Variants in SLC7A5 observed in about 807,000 individuals in gnomAD.
SLC7A5 encodes solute carrier family 7 member 5.
Under a neutral mutation model 50.2 loss-of-function variants are expected in SLC7A5, and 23 were observed. The observed-to-expected ratio is 0.46, with a 90% CI of 0.33 to 0.65. The LOEUF (loss-of-function observed/expected upper bound fraction) is 0.65, where lower values mean the gene tolerates loss of function less well. Ranked by LOEUF, SLC7A5 falls within the 30% of genes least tolerant of loss-of-function variation. The pLI is 0.02. For missense variants in SLC7A5, 578 were observed against 684.4 expected, an observed-to-expected ratio of 0.84 and a Z score of 1.73; for synonymous variants, 393 against 330.6, an observed-to-expected ratio of 1.19 and a Z score of -2.05.
In SLC7A5 at chr16:87,837,898, G is replaced by C; in HGVS notation, c.1087C>G (p.Leu363Val). ...AGGAGCTGTGGGTGGATCATGGAGAGGATGGAGGGCAGGTGGCCTTCCCGG... is the reference window on the plus strand; with the variant it reads ...AGGAGCTGTGGGTGGATCATGGAGACGATGGAGGGCAGGTGGCCTTCCCGG... ...GSREGHLPSILSMIHPQLLTP... is the reference protein window; with the variant it reads ...GSREGHLPSIVSMIHPQLLTP... The change falls in exon 7 of 10, where the codon CTC (leucine) becomes GTC (valine). Residue 363 changes from leucine to valine, a missense_variant. Around this residue, in one of 2 missense-constraint regions of SLC7A5, gnomAD observed 465 missense variants for 594.6 expected, o/e 0.78. Transcript: ENST00000261622. 1 of 1,608,720 alleles carries C rather than the reference G, an allele frequency of 6.2e-7. No individual in the cohort carries two copies. Among genetic ancestry groups the C allele is most frequent in the Non-Finnish European group, 8.5e-7 (1 of 1,178,530 alleles).
chr16:87,845,113 CA>C (rs1179276898), intron 2 of SLC7A5, among the ~76,000 whole-genome samples: 1 of 152,200 alleles, frequency 6.6e-6, no homozygotes, highest in East Asian at 1.9e-4. Context: ...GGACCGTCTG[CA>C]TGTCTGTTGC....
rs1171580336 is a variant in SLC7A5 at position 87,869,326 on chromosome 16, C to G, written c.97G>C (p.Asp33His). 1 of 1,610,474 alleles carries G rather than the reference C, an allele frequency of 6.2e-7. No individual in the cohort carries two copies. Among genetic ancestry groups the G allele is most frequent in the Non-Finnish European group, 8.5e-7 (1 of 1,179,358 alleles). ...CCCTCGCCTGCCGGCGCCGAGCCGT[C>G]CGCGCTCTTGGCGGCCAGCATCTTC... ...REKMLAAKSA[D>H]GSAPAGEGEG... Residue 33 changes from aspartate (D) to histidine (H), a missense_variant, in exon 1 of 10, where the codon GAC (aspartate) becomes CAC (histidine). By Grantham distance (81) the Asp-to-His change is moderately conservative. Transcript: ENST00000261622.
intron 3 of SLC7A5, among the ~76,000 whole-genome samples, chr16:87,840,721 G>C (rs2055072866): frequency 6.6e-6 from 1 of 152,218 alleles, no homozygotes; most frequent in Non-Finnish European, 1.5e-5. Flanking sequence ...TCAGGTCCCT[G>C]TGAGGCCCGC....
chr16:87,851,929 AC>A, intron 1 of SLC7A5, 80 bp from the exon 2 acceptor site: 1 of 1,548,616 alleles, frequency 6.5e-7, no homozygotes, highest in Admixed American at 1.7e-5. Flanking sequence ...TGACGACCCC[AC>A]CCCCACCCCA....
rs1255604482 is a variant in SLC7A5, at chr16:87,837,489, CAGG to C, written c.1140+353_1140+355del. On this transcript the variant is annotated intron_variant, in intron 7 of 9. Coordinates refer to ENST00000261622, the MANE Select transcript of SLC7A5 (RefSeq NM_003486.7). Reference sequence around the variant, plus strand: ...TCACGCGGGCTGGCACGGAAAGATGCAGGAGAAGCGGAAGGAAACTGTGTGTGA... The same window carrying C: ...TCACGCGGGCTGGCACGGAAAGATGCAGAAGCGGAAGGAAACTGTGTGTGA... 25 of 303,502 alleles carry C rather than the reference CAGG, an allele frequency of 8.2e-5. No homozygotes were observed. In the East Asian group the frequency reaches 1.6e-3, roughly 19 times the overall value. The allele number at this position is 303,502 out of a possible 1,614,324, so 18.8% of individuals were successfully genotyped here. A position where few individuals can be genotyped will look rare whatever the true frequency, so the allele number is the denominator to read the frequency against.
At chr16:87,845,170 C>A (rs887814209) in intron 2 of SLC7A5, among the ~76,000 whole-genome samples, 2 of 139,738 alleles carry the variant, frequency 1.4e-5, no homozygotes, top group African/African-American at 6.0e-5. Context: ...AGGGGCCAAC[C>A]GTGCCACCCA....
chr16:87,843,795 G>A lies in SLC7A5; in HGVS notation c.665-2640C>T, dbSNP rs1387718045. On this transcript the variant is annotated intron_variant, in intron 2 of 9. Transcript: ENST00000261622. ...ACCCCCACACAACAGAGAGCCCACG[G>A]TGGCAGAGGTGCCAGGCTGAGGCCC... 2.6e-5 allele frequency among the ~76,000 whole-genome samples: 4 copies of A among 152,184 alleles called. No individual in the cohort carries two copies. In the East Asian group the frequency reaches 7.7e-4, roughly 29 times the overall value.
Position 87,869,319 on chromosome 16 carries a change from G to A in SLC7A5, c.104C>T (p.Ser35Leu), listed in dbSNP as rs571025188. Reference sequence around the variant, plus strand: ...GCCCTCGCCCTCGCCTGCCGGCGCCGAGCCGTCCGCGCTCTTGGCGGCCAG... The same window carrying A: ...GCCCTCGCCCTCGCCTGCCGGCGCCAAGCCGTCCGCGCTCTTGGCGGCCAG... ...KMLAAKSADGSAPAGEGEGVT... is the reference protein window; with the variant it reads ...KMLAAKSADGLAPAGEGEGVT... The change falls in exon 1 of 10, where the codon TCG (serine) becomes TTG (leucine). Residue 35 changes from serine (S) to leucine (L), a missense_variant. By Grantham distance (145) the Ser-to-Leu change is moderately radical (BLOSUM62 -2). Transcript: ENST00000261622. 41 of 1,610,750 alleles carry A rather than the reference G, an allele frequency of 2.5e-5. No homozygotes were observed. In the East Asian group the frequency reaches 4.5e-4, roughly 18 times the overall value.
chr16:87,852,920 CCT>C lies in SLC7A5; in HGVS notation c.539-1073_539-1072del. On this transcript the variant is annotated intron_variant, in intron 1 of 9. Coordinates refer to ENST00000261622, the MANE Select transcript of SLC7A5 (RefSeq NM_003486.7). The surrounding 1 kb of genome is among the most constrained non-coding windows in gnomAD (Gnocchi z 4.5). ...ACTGCCTGCTGCACTACCCTTCACT[CCT>C]CTGCTCACGAGGTTATCTGTCGCTG... Among the ~76,000 whole-genome samples the C allele has an allele frequency of 6.6e-6, 1 of 152,294 alleles. No homozygotes were observed. The highest frequency in any genetic ancestry group is 1.5e-5 in the Non-Finnish European group (1 of 68,030).
In SLC7A5 at chr16:87,834,489, T is replaced by C; in HGVS notation, c.1393A>G (p.Ile465Val). Residue 465 changes from isoleucine to valine, a missense_variant, in exon 9 of 10, where the codon ATC becomes GTC. Physicochemically the swap from Ile to Val is conservative, Grantham distance 29. Transcript: ENST00000261622. ...AAGTAGACGGGCAGCCCGCTGAGGA[T>C]GATGGTGAAGCCGATGCCACACTCC... ...PVECGIGFTI[I>V]LSGLPVYFFG... 1.3e-6 allele frequency: 2 copies of C among 1,582,644 alleles called. No individual in the cohort carries two copies. Among genetic ancestry groups the C allele is most frequent in the Admixed American group, 1.9e-5 (1 of 53,460 alleles).
rs749458655 is a variant in SLC7A5, at chr16:87,869,353, C to G, written c.70G>C (p.Glu24Gln). 7 of 1,608,800 alleles carry G rather than the reference C, an allele frequency of 4.4e-6. No homozygotes were observed. The highest frequency in any genetic ancestry group is 5.9e-6 in the Non-Finnish European group (7 of 1,178,748). The change falls in exon 1 of 10, where the codon GAG becomes CAG. Residue 24 changes from glutamate (E) to glutamine (Q), a missense_variant. Physicochemically the swap from Glu to Gln is conservative, Grantham distance 29. Around this residue, in one of 2 missense-constraint regions of SLC7A5, gnomAD observed 113 missense variants for 89.8 expected, o/e 1.26. Coordinates refer to ENST00000261622, the MANE Select transcript of SLC7A5 (RefSeq NM_003486.7). The stretch of plus-strand genomic sequence containing the variant: ...GCGCTCTTGGCGGCCAGCATCTTCT[C>G]CCGCGCCTCTTCCTTCTCCTCGGCC... ...PAAEEKEEAR[E>Q]KMLAAKSADG... is the part of the protein sequence containing the mutation.
At chr16:87,837,124 A>T (rs761802970) in intron 7 of SLC7A5, among the ~76,000 whole-genome samples, 1 of 152,238 alleles carries the variant, frequency 6.6e-6, no homozygotes, top group Non-Finnish European at 1.5e-5. Flanking sequence ...ACTGGCTTCT[A>T]ACTCAGGGAA....
In SLC7A5 at chr16:87,851,714, A is replaced by T. The variant is rs1259723938; in HGVS notation, c.664+10T>A. 7 of 1,608,428 alleles carry T rather than the reference A, an allele frequency of 4.4e-6. No homozygotes were observed. In the African/African-American group the frequency reaches 9.4e-5, roughly 21 times the overall value. Reference sequence around the variant, plus strand: ...AGGGGCCGCCGGTGGGGCCTGGGGGACGTACTCACCCTTCCCGATCTGGAC... The same window carrying T: ...AGGGGCCGCCGGTGGGGCCTGGGGGTCGTACTCACCCTTCCCGATCTGGAC... On this transcript the variant is annotated intron_variant, in intron 2 of 9. Transcript: ENST00000261622.
intron 5 of SLC7A5, among the ~76,000 whole-genome samples, chr16:87,839,313 A>C (rs997243053): frequency 1.3e-5 from 2 of 152,240 alleles, no homozygotes; most frequent in Non-Finnish European, 2.9e-5. Flanking sequence ...CCGCCTGCCA[A>C]GCCAGCAGCA....
intron 2 of SLC7A5, among the ~76,000 whole-genome samples, chr16:87,845,620 C>T (rs998639673): frequency 2.0e-5 from 3 of 152,198 alleles, no homozygotes; most frequent in Non-Finnish European, 2.9e-5. Context: ...GCCTGGGAAC[C>T]GTGATGGGGC....
At chr16:87,867,024 C>T (rs1239762375) in intron 1 of SLC7A5, among the ~76,000 whole-genome samples, 2 of 151,714 alleles carry the variant, frequency 1.3e-5, no homozygotes, top group Non-Finnish European at 2.9e-5. Flanking sequence ...CTCCACATCC[C>T]GGAGCATGCC....
intron 2 of SLC7A5, among the ~76,000 whole-genome samples, chr16:87,848,260 G>C (rs2055178247): frequency 6.6e-6 from 1 of 152,248 alleles, no homozygotes; most frequent in South Asian, 2.1e-4. Context: ...TTCAAGGAGA[G>C]ATTAGTTTGT....
In SLC7A5 at chr16:87,862,082, C is replaced by T. The variant is rs867962942; in HGVS notation, c.538+6803G>A. Among the ~76,000 whole-genome samples the T allele has an allele frequency of 3.3e-5, 5 of 152,256 alleles. No homozygotes were observed. The highest frequency in any genetic ancestry group is 3.4e-3 in the Middle Eastern group (1 of 294). ...GGTGCAGGGATCCCAAAACCCAACC[C>T]GGGGCCAGGTTTTACACAGGCCTGG... On this transcript the variant is annotated intron_variant, in intron 1 of 9. Transcript: ENST00000261622. This position sits in a 1 kb window ranked among gnomAD's most constrained non-coding sequence, Gnocchi z 5.3.
At chr16:87,851,243 C>T (rs576383443) in intron 2 of SLC7A5, among the ~76,000 whole-genome samples, 1 of 152,012 alleles carries the variant, frequency 6.6e-6, no homozygotes, top group East Asian at 1.9e-4. Context: ...AGAGACAATC[C>T]CACACCTGCC....
Sources: allele counts gnomAD v4.1 joint callset (sites outside exome capture counted in the v4.1 genomes callset), GRCh38; gene constraint gnomAD v4.1.1; regional missense constraint gnomAD v4.1.1; non-coding constraint Gnocchi (gnomAD v3.1); transcripts MANE v1.5; gene names NCBI Gene and HGNC (gene_info 2026-07-23, HGNC 2026-07-21).